Variants in MCAM observed in about 807,000 individuals in gnomAD.
MCAM encodes the protein melanoma cell adhesion molecule.
A neutral mutation model predicts 79.1 loss-of-function variants in MCAM; 55 were observed. The observed-to-expected ratio is 0.70, with a 90% CI of 0.56 to 0.87. The LOEUF (loss-of-function observed/expected upper bound fraction) is 0.87, where lower values mean the gene tolerates loss of function less well. Ranked by LOEUF, MCAM falls within the 40% of genes least tolerant of loss-of-function variation. MCAM has a pLI of 0.00. For missense variants in MCAM, 745 were observed against 839.8 expected, an observed-to-expected ratio of 0.89 and a Z score of 1.40; for synonymous variants, 330 against 339.8, an observed-to-expected ratio of 0.97 and a Z score of 0.32.
In MCAM at chr11:119,316,812, C is replaced by T. The variant is rs1364566660; in HGVS notation, c.67+223G>A. 5 of 516,220 alleles carry T rather than the reference C, an allele frequency of 9.7e-6. No individual in the cohort carries two copies. Among genetic ancestry groups the T allele is most frequent in the Non-Finnish European group, 1.4e-5 (4 of 291,406 alleles). The allele number at this position is 516,220 out of a possible 1,614,324, so 32.0% of individuals were successfully genotyped here. On this transcript the variant is annotated intron_variant, in intron 1 of 15. Coordinates refer to ENST00000264036, the MANE Select transcript of MCAM (RefSeq NM_006500.3). This position sits in a 1 kb window ranked among gnomAD's most constrained non-coding sequence, Gnocchi z 4.8. ...TCGTTCCCAGAAGCAGCCTCCTCCCCGCCTTCCGAGTGCTGCTCCCGGGAT... is the reference window on the plus strand; with the variant it reads ...TCGTTCCCAGAAGCAGCCTCCTCCCTGCCTTCCGAGTGCTGCTCCCGGGAT...
At position 119,309,303 on chromosome 11, in the gene MCAM, TC is replaced by T. The variant is rs1405063611; in HGVS notation, c.*582del. 6.5e-6 allele frequency: 1 copy of T among 153,976 alleles called. No homozygotes were observed. Among genetic ancestry groups the T allele is most frequent in the African/African-American group, 2.4e-5 (1 of 41,456 alleles). The allele number at this position is 153,976 out of a possible 1,614,324, so 9.5% of individuals were successfully genotyped here. ...GTATCTTTTAAGGAATGACACCAGT[TC>T]CTGGCTTCTGACCAAAGAAAAAATG... On this transcript the variant is annotated 3_prime_UTR_variant, in exon 16 of 16. Coordinates refer to ENST00000264036, the MANE Select transcript of MCAM (RefSeq NM_006500.3).
At position 119,312,602 on chromosome 11, in the gene MCAM, C is replaced by T. The variant is rs751531724; in HGVS notation, c.786G>A (p.Leu262=). The part of the protein sequence containing the change: ...VWLEVEPVGM[L]KEGDRVEIRC... Reference sequence around the variant, plus strand: ...TGATTTCCACGCGGTCCCCTTCCTTCAGCATTCCCACGGGCTCCACTTCCA... The same window carrying T: ...TGATTTCCACGCGGTCCCCTTCCTTTAGCATTCCCACGGGCTCCACTTCCA... The change falls in exon 7 of 16, where the codon CTG becomes CTA. Residue 262 remains leucine (L), a synonymous_variant. Coordinates refer to ENST00000264036, the MANE Select transcript of MCAM (RefSeq NM_006500.3). This position sits in a 1 kb window ranked among gnomAD's most constrained non-coding sequence, Gnocchi z 4.9. 8 of 1,614,056 alleles carry T rather than the reference C, an allele frequency of 5.0e-6. No homozygotes were observed. The highest frequency in any genetic ancestry group is 6.8e-6 in the Non-Finnish European group (8 of 1,180,044).
At position 119,314,664 on chromosome 11, in the gene MCAM, T is replaced by C; in HGVS notation, c.471+15A>G. On this transcript the variant is annotated intron_variant, in intron 4 of 15. Coordinates refer to ENST00000264036, the MANE Select transcript of MCAM (RefSeq NM_006500.3). ...CTGCGCACCAGCTGCCCAGCCCACC[T>C]GCCACACATCTCACCTCCTCAGGCT... The C allele has an allele frequency of 6.2e-7, 1 of 1,613,846 alleles. No homozygotes were observed.
chr11:119,315,053 GAC>G lies in MCAM; in HGVS notation c.193-15_193-14del, dbSNP rs771576721. On this transcript the variant is annotated splice_polypyrimidine_tract_variant and intron_variant, in intron 2 of 15. Transcript: ENST00000264036. This position sits in a 1 kb window ranked among gnomAD's most constrained non-coding sequence, Gnocchi z 4.4. ...TCTCCTTGTGGACCTAATGGGAGGA[GAC>G]ACAGAGGAGGAGAAGGGTCCTGGGC... is the stretch of plus-strand genomic sequence containing the variant. 6.2e-7 allele frequency: 1 copy of G among 1,608,824 alleles called. No individual in the cohort carries two copies.
chr11:119,312,351 T>C lies in MCAM; in HGVS notation c.939A>G (p.Glu313=). 2 of 1,614,048 alleles carry C rather than the reference T, an allele frequency of 1.2e-6. No individual in the cohort carries two copies. Among genetic ancestry groups the C allele is most frequent in the Non-Finnish European group, 1.7e-6 (2 of 1,179,992 alleles). ...CCTGACATTCATAGCGCCCACTGTG[T>C]TCCTTCCGGGCAGGCTCCAGCACCA... ...GVLVLEPARK[E]HSGRYECQGL... Residue 313 remains glutamate (E), a synonymous_variant, in exon 8 of 16, where the codon GAA becomes GAG. Coordinates refer to ENST00000264036, the MANE Select transcript of MCAM (RefSeq NM_006500.3). This position sits in a 1 kb window ranked among gnomAD's most constrained non-coding sequence, Gnocchi z 4.9.
At chr11:119,313,865 G>A (rs1269105536) in intron 5 of MCAM, 1 of 744,082 alleles carries the variant, frequency 1.3e-6, no homozygotes, top group Non-Finnish European at 1.6e-6. Context: ...CCTAGGAGGA[G>A]GGGGTACAAA....
chr11:119,312,459 C>T lies in MCAM; in HGVS notation c.862-31G>A. On this transcript the variant is annotated intron_variant, in intron 7 of 15. Coordinates refer to ENST00000264036, the MANE Select transcript of MCAM (RefSeq NM_006500.3). This position sits in a 1 kb window ranked among gnomAD's most constrained non-coding sequence, Gnocchi z 4.9. ...GAGGATTGGGGAGGTGAGCAGAGTG[C>T]ACCTCCCGCCACTCCACCTGGGTCT... is the stretch of plus-strand genomic sequence containing the variant. 6.2e-7 allele frequency: 1 copy of T among 1,612,506 alleles called. No homozygotes were observed. The highest frequency in any genetic ancestry group is 8.5e-7 in the Non-Finnish European group (1 of 1,179,568).
At chr11:119,310,204 A>T in intron 15 of MCAM, 145 bp downstream of exon 15, 1 of 690,870 alleles carries the variant, frequency 1.4e-6, no homozygotes, top group Non-Finnish European at 2.5e-6. Flanking sequence ...TGGCCCTGCC[A>T]TCTGTGAGTA....
chr11:119,313,338 T>C, intron 5 of MCAM: 2 of 1,297,332 alleles, frequency 1.5e-6, no homozygotes, highest in Non-Finnish European at 2.0e-6. Flanking sequence ...AAAGAAATTG[T>C]CTAACAATGT....
rs1408817492 is a variant in MCAM, at chr11:119,315,316, G to A, written c.68-53C>T. ...GCTGTGTCAGCTCCGGCTGCTGTCC[G>A]CCCCTCCCCTCGCAGCGCTGCTGCA... On this transcript the variant is annotated intron_variant, in intron 1 of 15. Coordinates refer to ENST00000264036, the MANE Select transcript of MCAM (RefSeq NM_006500.3). The surrounding 1 kb of genome is among the most constrained non-coding windows in gnomAD (Gnocchi z 4.4). 1 of 1,566,490 alleles carries A rather than the reference G, an allele frequency of 6.4e-7. No homozygotes were observed. Among genetic ancestry groups the A allele is most frequent in the Non-Finnish European group, 8.6e-7 (1 of 1,160,530 alleles).
In MCAM at chr11:119,309,191, G is replaced by C. The variant is rs1453433585; in HGVS notation, c.*695C>G. ...GGGTTTCACCGTGTTAGCCAGGATGGTCTCGTCCTGACTTTGTGATCCGCC... is the reference window on the plus strand; with the variant it reads ...GGGTTTCACCGTGTTAGCCAGGATGCTCTCGTCCTGACTTTGTGATCCGCC... On this transcript the variant is annotated 3_prime_UTR_variant, in exon 16 of 16. Transcript: ENST00000264036. 2 of 152,416 alleles carry C rather than the reference G, an allele frequency of 1.3e-5. No homozygotes were observed. The highest frequency in any genetic ancestry group is 3.8e-4 in the East Asian group (2 of 5,196). The allele number at this position is 152,416 out of a possible 1,614,324, so 9.4% of individuals were successfully genotyped here.
Position 119,314,340 on chromosome 11 carries a change from G to A in MCAM, c.559+149C>T, listed in dbSNP as rs1015781786. On this transcript the variant is annotated intron_variant, in intron 5 of 15. Coordinates refer to ENST00000264036, the MANE Select transcript of MCAM (RefSeq NM_006500.3). Reference sequence around the variant, plus strand: ...CTGGCTAATTTTTTTATTTTCTGTAGAGACAGGGTCACCCTATGTTGTCCA... The same window carrying A: ...CTGGCTAATTTTTTTATTTTCTGTAAAGACAGGGTCACCCTATGTTGTCCA... The A allele has an allele frequency of 4.4e-6, 3 of 688,968 alleles. No homozygotes were observed. The African/African-American group carries it at 5.4e-5, about 12-fold the overall frequency. The allele number at this position is 688,968 out of a possible 1,614,324, so 42.7% of individuals were successfully genotyped here. A position where few individuals can be genotyped will look rare whatever the true frequency, so the allele number is the denominator to read the frequency against.
At position 119,312,354 on chromosome 11, in the gene MCAM, C is replaced by T. The variant is rs537820495; in HGVS notation, c.936G>A (p.Lys312=). ...GACATTCATAGCGCCCACTGTGTTC[C>T]TTCCGGGCAGGCTCCAGCACCAGGA... ...NGVLVLEPAR[K]EHSGRYECQG... Residue 312 remains lysine, a synonymous_variant, in exon 8 of 16, where the codon AAG becomes AAA. Coordinates refer to ENST00000264036, the MANE Select transcript of MCAM (RefSeq NM_006500.3). This position sits in a 1 kb window ranked among gnomAD's most constrained non-coding sequence, Gnocchi z 4.9. 1 of 1,614,098 alleles carries T rather than the reference C, an allele frequency of 6.2e-7. No individual in the cohort carries two copies. The highest frequency in any genetic ancestry group is 1.3e-5 in the African/African-American group (1 of 75,014).
Position 119,314,514 on chromosome 11 carries a change from G to T in MCAM, c.534C>A (p.Gly178=), listed in dbSNP as rs1044232368. The change falls in exon 5 of 16, where the codon GGC becomes GGA. Residue 178 remains glycine (G), a synonymous_variant. Coordinates refer to ENST00000264036, the MANE Select transcript of MCAM (RefSeq NM_006500.3). ...GGTTCTTCTCCTCCTTCAGAGGCCG[G>T]CCATTCTTGTACCAGATGACTTGAG... The part of the protein sequence containing the change: ...PIPQVIWYKN[G]RPLKEEKNRV... 1.2e-6 allele frequency: 2 copies of T among 1,613,696 alleles called. No individual in the cohort carries two copies. Among genetic ancestry groups the T allele is most frequent in the Admixed American group, 1.7e-5 (1 of 59,996 alleles).
rs1331095532 is a variant in MCAM, at chr11:119,316,084, GCTGGA to G, written c.68-826_68-822del. 2 of 152,734 alleles carry G rather than the reference GCTGGA, an allele frequency of 1.3e-5. No homozygotes were observed. The highest frequency in any genetic ancestry group is 3.1e-3 in the Middle Eastern group (1 of 322). 9.5% of individuals were successfully genotyped at this position (152,734 alleles called of 1,614,324 possible). A position where few individuals can be genotyped will look rare whatever the true frequency, so the allele number is the denominator to read the frequency against. On this transcript the variant is annotated intron_variant, in intron 1 of 15. Transcript: ENST00000264036. This position sits in a 1 kb window ranked among gnomAD's most constrained non-coding sequence, Gnocchi z 4.8. ...AGCTAGAAGAGCAGGGCAGGGTGGA[GCTGGA>G]CCGGCTGCAACTGTGGAGCCCGATT...
At position 119,314,595 on chromosome 11, in the gene MCAM, G is replaced by T; in HGVS notation, c.472-19C>A. The T allele has an allele frequency of 1.2e-6, 2 of 1,611,552 alleles. No individual in the cohort carries two copies. Among genetic ancestry groups the T allele is most frequent in the South Asian group, 1.1e-5 (1 of 91,022 alleles). On this transcript the variant is annotated intron_variant, in intron 4 of 15. Transcript: ENST00000264036. ...TAGCGACCTAAAGAGCACAGGGTGT[G>T]AGTCTCCCTGCCTCCGAGCCCCCTT...
Position 119,315,017 on chromosome 11 carries a change from G to A in MCAM, c.216C>T (p.Leu72=). 1 of 1,608,686 alleles carries A rather than the reference G, an allele frequency of 6.2e-7. No individual in the cohort carries two copies. Among genetic ancestry groups the A allele is most frequent in the Non-Finnish European group, 8.5e-7 (1 of 1,179,982 alleles). The part of the protein sequence containing the change: ...WFSVHKEKRT[L]IFRVRQGQGQ... ...CCTGGCCCTGGCGCACACGGAAGATGAGCGTCCGCTTCTCCTTGTGGACCT... is the reference window on the plus strand; with the variant it reads ...CCTGGCCCTGGCGCACACGGAAGATAAGCGTCCGCTTCTCCTTGTGGACCT... Residue 72 remains leucine (L), a synonymous_variant, in exon 3 of 16, where the codon CTC becomes CTT. Coordinates refer to ENST00000264036, the MANE Select transcript of MCAM (RefSeq NM_006500.3). The surrounding 1 kb of genome is among the most constrained non-coding windows in gnomAD (Gnocchi z 4.4).
rs1381288606 is a variant in MCAM, at chr11:119,311,226, A to G, written c.1550-41T>C. 4 of 1,612,930 alleles carry G rather than the reference A, an allele frequency of 2.5e-6. No individual in the cohort carries two copies. In the Admixed American group the frequency reaches 5.0e-5, roughly 20 times the overall value. On this transcript the variant is annotated intron_variant, in intron 12 of 15. Coordinates refer to ENST00000264036, the MANE Select transcript of MCAM (RefSeq NM_006500.3). This position sits in a 1 kb window ranked among gnomAD's most constrained non-coding sequence, Gnocchi z 4.4. ...AGGGGTGTTAGGAGAAGCGCAAGTT[A>G]CTGCCCGTGCCTGGGCCTGCCCCTG...
In MCAM at chr11:119,315,231, C is replaced by G. The variant is rs763997313; in HGVS notation, c.100G>C (p.Glu34Gln). 1.9e-6 allele frequency: 3 copies of G among 1,612,012 alleles called. No homozygotes were observed. The African/African-American group carries it at 4.0e-5, about 22-fold the overall frequency. Residue 34 changes from glutamate (E) to glutamine (Q), a missense_variant, in exon 2 of 16, where the codon GAG becomes CAG. Glu to Gln is a conservative substitution (Grantham distance 29). Coordinates refer to ENST00000264036, the MANE Select transcript of MCAM (RefSeq NM_006500.3). The surrounding 1 kb of genome is among the most constrained non-coding windows in gnomAD (Gnocchi z 4.4). Reference sequence around the variant, plus strand: ...CTGCCCACTTCCACCTCCACCAGCTCAGGCGCAGGCTGCTCAGCCTCTCCG... The same window carrying G: ...CTGCCCACTTCCACCTCCACCAGCTGAGGCGCAGGCTGCTCAGCCTCTCCG... ...VPGEAEQPAP[E>Q]LVEVEVGSTA...
Sources: allele counts gnomAD v4.1 joint callset, GRCh38; gene constraint gnomAD v4.1.1; non-coding constraint Gnocchi (gnomAD v3.1); transcripts MANE v1.5; gene names NCBI Gene and HGNC (gene_info 2026-07-23, HGNC 2026-07-21).